The following TANK variants were observed in gnomAD, a reference collection of about 807,000 sequenced individuals.
TANK encodes TRAF family member-associated NF-kappa-B activator.
TANK carries 15 observed loss-of-function variants against 43.6 expected under a neutral mutation model. That is an observed-to-expected ratio of 0.34 (90% CI 0.23 to 0.53). TANK has a LOEUF of 0.53. TANK is among the 20% of genes least tolerant of loss of function. The pLI is 0.94. For missense variants in TANK, 417 were observed against 498.6 expected (o/e 0.84, Z 1.56); for synonymous variants, 162 against 178.2 (o/e 0.91, Z 0.73).
At chr2:161,215,672 A>C (rs1687086249) in intron 4 of TANK, among the ~76,000 whole-genome samples, 1 of 152,044 alleles carries the variant, frequency 6.6e-6, no homozygotes, top group Admixed American at 6.6e-5. Context: ...TTCAGCTAAC[A>C]CTCTTCCCAG....
intron 2 of TANK, among the ~76,000 whole-genome samples, chr2:161,184,047 G>A (rs1459434555): frequency 6.6e-6 from 1 of 151,984 alleles, no homozygotes; most frequent in African/African-American, 2.4e-5. Context: ...GCTAAGGTTA[G>A]GAAGAAGCAG....
intron 2 of TANK, among the ~76,000 whole-genome samples, chr2:161,185,181 A>C (rs1685601338): frequency 6.6e-6 from 1 of 152,194 alleles, no homozygotes; most frequent in Non-Finnish European, 1.5e-5. Context: ...TAAGAAACAA[A>C]TTATAGAAAA....
intron 6 of TANK, among the ~76,000 whole-genome samples, chr2:161,229,775 T>G (rs1687816376): frequency 6.6e-6 from 1 of 152,220 alleles, no homozygotes; most frequent in Non-Finnish European, 1.5e-5. Context: ...CTACCTAGAT[T>G]TGCATCATTG....
At chr2:161,164,183 G>T (rs1227489233) in intron 1 of TANK, among the ~76,000 whole-genome samples, 6 of 152,176 alleles carry the variant, frequency 3.9e-5, no homozygotes, top group Non-Finnish European at 1.5e-5. Context: ...AAAGCAAATG[G>T]TAAATAAAAA....
chr2:161,224,715 A>G lies in TANK; in HGVS notation c.489A>G (p.Leu163=). 1 of 1,578,706 alleles carries G rather than the reference A, an allele frequency of 6.3e-7. No individual in the cohort carries two copies. The highest frequency in any genetic ancestry group is 8.6e-7 in the Non-Finnish European group (1 of 1,161,780). ...TAGCAAAAGCACAGAAAGACCACTT[A>G]AGCAAACTTAATATACCAGACACTG... ...CMLAKAQKDH[L]SKLNIPDTAT... is the part of the protein sequence containing the mutation. Residue 163 remains leucine, a synonymous_variant, in exon 6 of 8, where the codon TTA becomes TTG. Transcript: ENST00000392749.
chr2:161,222,853 G>A (rs936427875), intron 4 of TANK: 2 of 151,844 alleles, frequency 1.3e-5, no homozygotes, highest in African/African-American at 4.8e-5. Flanking sequence ...TATATTTAAA[G>A]TATTTATTTA....
intron 1 of TANK, among the ~76,000 whole-genome samples, chr2:161,149,464 G>A (rs1380974851): frequency 6.6e-6 from 1 of 152,064 alleles, no homozygotes; most frequent in Admixed American, 6.5e-5. Context: ...TTCCAATTTG[G>A]ATGGCTTTTA....
intron 2 of TANK, among the ~76,000 whole-genome samples, chr2:161,180,952 C>T (rs979220272): frequency 1.3e-5 from 2 of 148,444 alleles, no homozygotes; most frequent in Non-Finnish European, 3.0e-5. Context: ...CTCTTGTCAA[C>T]CAAAATTCCA....
chr2:161,138,466 G>A (rs1052522521), intron 1 of TANK, among the ~76,000 whole-genome samples: 14 of 152,188 alleles, frequency 9.2e-5, no homozygotes, highest in African/African-American at 2.9e-4. Flanking sequence ...GAAAAAGGAA[G>A]ATGACTTGGC....
chr2:161,163,748 C>T (rs1022007960), intron 1 of TANK, among the ~76,000 whole-genome samples: 8 of 152,160 alleles, frequency 5.3e-5, no homozygotes, highest in Admixed American at 1.3e-4. Context: ...GCTTAACATG[C>T]TTATACTTAT....
chr2:161,204,563 AC>A, intron 3 of TANK, 111 bp from the exon 4 acceptor site: 1 of 982,144 alleles, frequency 1.0e-6, no homozygotes, highest in Non-Finnish European at 1.5e-6. Flanking sequence ...TAAAACTCCT[AC>A]CTTAAAATGT....
chr2:161,160,105 T>G, upstream of TANK: 1 of 275,016 alleles, frequency 3.6e-6, no homozygotes, highest in East Asian at 5.9e-5. Flanking sequence ...TAGGGTGATG[T>G]TATTTATTTA....
upstream of TANK, chr2:161,159,266 T>G (rs1025672508): frequency 6.6e-6 from 1 of 152,256 alleles, no homozygotes; most frequent in African/African-American, 2.4e-5. Flanking sequence ...ACAGCTTTTT[T>G]TCATCACACT....
chr2:161,139,348 G>A (rs1683676823), intron 1 of TANK, among the ~76,000 whole-genome samples: 1 of 152,114 alleles, frequency 6.6e-6, no homozygotes, highest in Non-Finnish European at 1.5e-5. Flanking sequence ...TAATTGCCAA[G>A]TACCTTGTTT....
intron 2 of TANK, among the ~76,000 whole-genome samples, chr2:161,201,625 C>T (rs969159743): frequency 1.3e-5 from 2 of 152,228 alleles, no homozygotes; most frequent in Admixed American, 6.5e-5. Context: ...CTTTAATTAG[C>T]GCAGAAATAT....
At chr2:161,160,700 T>C in intron 1 of TANK, 1 of 504,458 alleles carries the variant, frequency 2.0e-6, no homozygotes, top group Non-Finnish European at 3.7e-6. Flanking sequence ...TCCTTGTGGG[T>C]TGGTTTCCGG....
intron 2 of TANK, among the ~76,000 whole-genome samples, chr2:161,202,173 C>T (rs1686443128): frequency 6.8e-6 from 1 of 146,540 alleles, no homozygotes; most frequent in Non-Finnish European, 1.5e-5. Flanking sequence ...TAGTATTTAG[C>T]TCTAATTTCT....
chr2:161,185,898 CACATT>C (rs1280969950), intron 2 of TANK, among the ~76,000 whole-genome samples: 1 of 152,096 alleles, frequency 6.6e-6, no homozygotes, highest in Non-Finnish European at 1.5e-5. Context: ...TTTTTACAAT[CACATT>C]ACACAACAGC....
intron 1 of TANK, among the ~76,000 whole-genome samples, chr2:161,178,057 A>G (rs893850433): frequency 6.6e-6 from 1 of 152,120 alleles, no homozygotes; most frequent in Non-Finnish European, 1.5e-5. Context: ...ACCCTTATAC[A>G]ATGCTAGTGG....
Sources: allele counts gnomAD v4.1 joint callset (sites outside exome capture counted in the v4.1 genomes callset), GRCh38; gene constraint gnomAD v4.1.1; transcripts MANE v1.5; gene names NCBI Gene and HGNC (gene_info 2026-07-23, HGNC 2026-07-21).